The following SF3B3 variants were observed in gnomAD, a reference collection of about 807,000 sequenced individuals.
SF3B3 encodes splicing factor 3b subunit 3.
In SF3B3, 33 loss-of-function variants were observed where a neutral mutation model predicts 139.2. The ratio of observed to expected loss-of-function variants is 0.24; its 90% CI spans 0.18 to 0.32. The LOEUF (loss-of-function observed/expected upper bound fraction) is 0.32, where lower values mean the gene tolerates loss of function less well. Among genes scored for constraint, SF3B3 ranks in the 10% least tolerant of loss-of-function variants. The pLI is 1.00. For synonymous variants in SF3B3, 596 were observed against 563.6 expected, an observed-to-expected ratio of 1.06 and a Z score of -0.81; for missense variants, 818 against 1,509.4, an observed-to-expected ratio of 0.54 and a Z score of 7.59.
chr16:70,548,320 A>G (rs2050288369), intron 10 of SF3B3, 50 bp from the exon 11 acceptor site: 1 of 1,425,854 alleles, frequency 7.0e-7, no homozygotes, highest in Non-Finnish European at 9.9e-7. Context: ...GTAAGCAGGT[A>G]GCTGAGTTGC....
intron 6 of SF3B3, chr16:70,537,923 T>C: frequency 2.3e-6 from 1 of 432,296 alleles, no homozygotes; most frequent in Admixed American, 2.8e-5. Flanking sequence ...GAAAAAAAAT[T>C]CAAAGTCATA....
intron 15 of SF3B3, among the ~76,000 whole-genome samples, chr16:70,558,038 C>G (rs1284129659): frequency 4.6e-5 from 7 of 152,046 alleles, no homozygotes; most frequent in African/African-American, 1.7e-4. Context: ...CTTTTTATGT[C>G]TCTTAAACTG....
In SF3B3 at chr16:70,573,939, C is replaced by G. The variant is rs1369604111; in HGVS notation, c.*2126C>G. The G allele has an allele frequency of 2.0e-5, 3 of 152,156 alleles. No individual in the cohort carries two copies. The highest frequency in any genetic ancestry group is 7.2e-5 in the African/African-American group (3 of 41,434). 9.4% of individuals were successfully genotyped at this position (152,156 alleles called of 1,614,324 possible). The stretch of plus-strand genomic sequence containing the variant: ...AGATCTCTTGCCAAGAATAGCATTC[C>G]TTTGGAGGAGGGGGGTTCTAGTTGG... On this transcript the variant is annotated 3_prime_UTR_variant, in exon 26 of 26. Transcript: ENST00000302516.
rs74321943 is a variant in SF3B3 at position 70,542,191 on chromosome 16, C to A, written c.1233+357C>A. Among the ~76,000 whole-genome samples, 11 of 150,694 alleles carry A rather than the reference C, an allele frequency of 7.3e-5. No individual in the cohort carries two copies. The East Asian group carries it at 2.0e-3, about 27-fold the overall frequency. On this transcript the variant is annotated intron_variant, in intron 9 of 25. Coordinates refer to ENST00000302516, the MANE Select transcript of SF3B3 (RefSeq NM_012426.5). ...TCTTGTGACTGCTTCTAGGTGTTTTCTCTGCATTTACAATCATGTATATGT... is the reference window on the plus strand; with the variant it reads ...TCTTGTGACTGCTTCTAGGTGTTTTATCTGCATTTACAATCATGTATATGT...
chr16:70,527,056 G>C (rs1046042221), intron 2 of SF3B3: 4 of 283,308 alleles, frequency 1.4e-5, no homozygotes, highest in Non-Finnish European at 2.6e-5. Flanking sequence ...ATCAGGTTGG[G>C]TAAAAAGAAT....
At position 70,571,980 on chromosome 16, in the gene SF3B3, G is replaced by T; in HGVS notation, c.*167G>T. On this transcript the variant is annotated 3_prime_UTR_variant, in exon 26 of 26. Transcript: ENST00000302516. ...CTCAGCTCTTCTCCTGGAATGACTG[G>T]CTTCCCCTCAAATTGGCACTGAGAT... is the stretch of plus-strand genomic sequence containing the variant. 1.2e-6 allele frequency: 1 copy of T among 831,278 alleles called. No homozygotes were observed. The highest frequency in any genetic ancestry group is 1.9e-6 in the Non-Finnish European group (1 of 524,290). The allele number at this position is 831,278 out of a possible 1,614,324, so 51.5% of individuals were successfully genotyped here.
At chr16:70,567,586 G>A (rs757123588) in intron 21 of SF3B3, 50 bp downstream of exon 21, 3 of 1,577,330 alleles carry the variant, frequency 1.9e-6, no homozygotes, top group East Asian at 2.3e-5. Flanking sequence ...GTCAAGGGTG[G>A]GGGCATTGGT....
chr16:70,537,194 G>A (rs2050177048), intron 6 of SF3B3, among the ~76,000 whole-genome samples: 1 of 152,176 alleles, frequency 6.6e-6, no homozygotes, highest in African/African-American at 2.4e-5. Context: ...ACTACATAGG[G>A]AGTGATGTAT....
rs2050113669 is a variant in SF3B3, at chr16:70,530,732, C to T, written c.398-13C>T. 6.2e-7 allele frequency: 1 copy of T among 1,604,516 alleles called. No homozygotes were observed. Among genetic ancestry groups the T allele is most frequent in the African/African-American group, 1.3e-5 (1 of 74,640 alleles). On this transcript the variant is annotated splice_polypyrimidine_tract_variant and intron_variant, in intron 3 of 25. Coordinates refer to ENST00000302516, the MANE Select transcript of SF3B3 (RefSeq NM_012426.5). ...TCTGGGAATCTTGTATGTTTTATCTCCTTCAACTACAGGTGCCATTGAGAA... is the reference window on the plus strand; with the variant it reads ...TCTGGGAATCTTGTATGTTTTATCTTCTTCAACTACAGGTGCCATTGAGAA...
chr16:70,564,533 C>A (rs2050457729), intron 18 of SF3B3, among the ~76,000 whole-genome samples: 1 of 152,158 alleles, frequency 6.6e-6, no homozygotes, highest in East Asian at 1.9e-4. Context: ...CAATTAAGTT[C>A]CCTCTCTGAA....
At chr16:70,534,429 A>G (rs955308684) in intron 5 of SF3B3, among the ~76,000 whole-genome samples, 35 of 152,258 alleles carry the variant, frequency 2.3e-4, no homozygotes, top group African/African-American at 7.7e-4. Context: ...AATGAAATGG[A>G]GGATATTAAG....
chr16:70,546,085 G>T (rs2050265687), intron 10 of SF3B3, among the ~76,000 whole-genome samples: 1 of 152,130 alleles, frequency 6.6e-6, no homozygotes, highest in Non-Finnish European at 1.5e-5. Context: ...TCCCACCTTA[G>T]CTTCTGGAGT....
At chr16:70,558,756 C>T (rs1268890199) in intron 15 of SF3B3, among the ~76,000 whole-genome samples, 5 of 152,016 alleles carry the variant, frequency 3.3e-5, no homozygotes, top group Non-Finnish European at 5.9e-5. Context: ...CCACTACGCC[C>T]GGCTAATTTT....
chr16:70,534,743 A>G (rs942242541), intron 5 of SF3B3, among the ~76,000 whole-genome samples: 1 of 152,182 alleles, frequency 6.6e-6, no homozygotes, highest in Non-Finnish European at 1.5e-5. Flanking sequence ...ATCTTGGCTC[A>G]CTACAACCTC....
At chr16:70,531,990 A>T (rs997179983) in intron 4 of SF3B3, among the ~76,000 whole-genome samples, 2 of 152,222 alleles carry the variant, frequency 1.3e-5, no homozygotes, top group African/African-American at 4.8e-5. Flanking sequence ...TCTAGGCTGC[A>T]GTGAGATAAG....
At chr16:70,570,926 T>G (rs1597725935) in intron 24 of SF3B3, among the ~76,000 whole-genome samples, 169 bp from the exon 25 acceptor site, 1 of 152,328 alleles carries the variant, frequency 6.6e-6, no homozygotes, top group East Asian at 1.9e-4. Context: ...CTTTTGGGGT[T>G]TAACTATCGT....
chr16:70,552,990 G>C (rs1013248058), intron 11 of SF3B3, among the ~76,000 whole-genome samples: 1 of 152,054 alleles, frequency 6.6e-6, no homozygotes. Context: ...GGCTCACTGC[G>C]GCCTCCGCCT....
chr16:70,552,788 A>C (rs139441164), intron 11 of SF3B3, among the ~76,000 whole-genome samples: 35 of 152,378 alleles, frequency 2.3e-4, no homozygotes, highest in African/African-American at 7.5e-4. Flanking sequence ...TTATCCTACT[A>C]TATATGAAGC....
At chr16:70,535,281 A>C (rs762910402) in intron 5 of SF3B3, 27 bp from the exon 6 acceptor site, 3 of 1,220,972 alleles carry the variant, frequency 2.5e-6, no homozygotes, top group Non-Finnish European at 3.5e-6. Context: ...AGTCAAAGTC[A>C]CTGCTAAGTT....
Sources: gnomAD v4.1 joint callset for allele counts (sites outside exome capture counted in the v4.1 genomes callset) on GRCh38, gnomAD v4.1.1 for gene constraint, MANE v1.5 for transcripts, NCBI Gene and HGNC (gene_info 2026-07-23, HGNC 2026-07-21) for gene names.